Variants in LDLRAD4 observed in about 807,000 individuals in gnomAD.
The protein encoded by LDLRAD4 is low density lipoprotein receptor class A domain containing 4.
In LDLRAD4, 5 loss-of-function variants were observed where a neutral mutation model predicts 17.0. The ratio of observed to expected loss-of-function variants is 0.29; its 90% CI spans 0.15 to 0.62. The LOEUF is 0.62. Ranked by LOEUF, LDLRAD4 falls within the 20% of genes least tolerant of loss-of-function variation. The probability of loss-of-function intolerance (pLI) is 0.84; values close to 1 mark genes in which losing one functional copy is unlikely to be tolerated. For missense variants in LDLRAD4, 340 were observed against 424.7 expected, an observed-to-expected ratio of 0.80 and a Z score of 1.75; for synonymous variants, 168 against 171.8, an observed-to-expected ratio of 0.98 and a Z score of 0.17.
intron 3 of LDLRAD4, among the ~76,000 whole-genome samples, chr18:13,449,648 G>A (rs892505824): frequency 6.6e-6 from 1 of 152,234 alleles, no homozygotes; most frequent in African/African-American, 2.4e-5. Context: ...GCTCTGCCAT[G>A]GCGCTATCTC....
At chr18:13,283,278 G>T (rs1440655641) in intron 1 of LDLRAD4, among the ~76,000 whole-genome samples, 3 of 152,174 alleles carry the variant, frequency 2.0e-5, no homozygotes, top group East Asian at 3.8e-4. Flanking sequence ...CTCAGAAAAT[G>T]GGTTTTTCTT....
intron 1 of LDLRAD4, among the ~76,000 whole-genome samples, chr18:13,377,496 G>A (rs1257470473): frequency 6.6e-6 from 1 of 152,138 alleles, no homozygotes; most frequent in Non-Finnish European, 1.5e-5. Context: ...GGTGGCACGC[G>A]ATTAACTGCA....
chr18:13,611,677 G>A, intron 3 of LDLRAD4: 4 of 985,376 alleles, frequency 4.1e-6, no homozygotes, highest in South Asian at 9.4e-5. Context: ...GGAACATTGA[G>A]CATCCTGACT....
chr18:13,277,295 C>T (rs923879308), upstream of LDLRAD4, among the ~76,000 whole-genome samples: 1 of 152,180 alleles, frequency 6.6e-6, no homozygotes, highest in Non-Finnish European at 1.5e-5. Flanking sequence ...GTGTGTCCTG[C>T]ACACTGGAGG....
At chr18:13,642,128 G>C (rs190659646) in intron 4 of LDLRAD4, 2 of 985,524 alleles carry the variant, frequency 2.0e-6, no homozygotes, top group South Asian at 9.4e-5. Flanking sequence ...CTGGACCGCC[G>C]TATACGTTTG....
chr18:13,409,473 G>T (rs2088116209), intron 2 of LDLRAD4, among the ~76,000 whole-genome samples: 1 of 152,232 alleles, frequency 6.6e-6, no homozygotes, highest in Admixed American at 6.5e-5. Flanking sequence ...GACACAGGAA[G>T]ACTTTAAGCT....
At chr18:13,296,734 T>C (rs1207751535) in intron 1 of LDLRAD4, among the ~76,000 whole-genome samples, 1 of 152,146 alleles carries the variant, frequency 6.6e-6, no homozygotes, top group African/African-American at 2.4e-5. Flanking sequence ...AACAAGAAAA[T>C]TTAGCAACAA....
intron 2 of LDLRAD4, among the ~76,000 whole-genome samples, chr18:13,406,527 C>T (rs532007187): frequency 3.9e-5 from 6 of 152,098 alleles, no homozygotes; most frequent in East Asian, 1.9e-4. Context: ...TGCCGTGGTG[C>T]GCATGATTAT....
intron 1 of LDLRAD4, among the ~76,000 whole-genome samples, chr18:13,363,756 C>T (rs929581981): frequency 1.3e-5 from 2 of 152,152 alleles, no homozygotes; most frequent in Non-Finnish European, 2.9e-5. Context: ...TGGTTGTGGT[C>T]TCACAGATAG....
chr18:13,507,701 A>G (rs1334664635), intron 3 of LDLRAD4, among the ~76,000 whole-genome samples: 1 of 152,238 alleles, frequency 6.6e-6, no homozygotes, highest in Non-Finnish European at 1.5e-5. Context: ...TACCCATATA[A>G]GACAGTGAAC....
intron 2 of LDLRAD4, among the ~76,000 whole-genome samples, chr18:13,406,140 C>T (rs1351787794): frequency 6.6e-6 from 1 of 152,218 alleles, no homozygotes; most frequent in Non-Finnish European, 1.5e-5. Context: ...GACCCACGCC[C>T]ATGCTCTTGT....
chr18:13,305,095 A>G (rs760811278), intron 1 of LDLRAD4, among the ~76,000 whole-genome samples: 7 of 152,298 alleles, frequency 4.6e-5, no homozygotes, highest in Non-Finnish European at 8.8e-5. Context: ...TAGCCTAGAA[A>G]TATTGAAAAA....
chr18:13,415,176 G>C (rs2088760777), intron 2 of LDLRAD4, among the ~76,000 whole-genome samples: 1 of 152,132 alleles, frequency 6.6e-6, no homozygotes. Context: ...TACAACACAG[G>C]GCCCTGAGCC....
chr18:13,303,800 G>A (rs2046747503), intron 1 of LDLRAD4, among the ~76,000 whole-genome samples: 1 of 152,140 alleles, frequency 6.6e-6, no homozygotes, highest in Admixed American at 6.5e-5. Flanking sequence ...CATCTTTCTG[G>A]GGACCTCTTG....
At chr18:13,371,523 C>G (rs1014874445) in intron 1 of LDLRAD4, among the ~76,000 whole-genome samples, 1 of 152,184 alleles carries the variant, frequency 6.6e-6, no homozygotes, top group Non-Finnish European at 1.5e-5. Context: ...AATCCCAGCA[C>G]TTTGGGAGGC....
chr18:13,558,635 A>G (rs1447997586), intron 3 of LDLRAD4, among the ~76,000 whole-genome samples: 1 of 152,230 alleles, frequency 6.6e-6, no homozygotes, highest in East Asian at 1.9e-4. Context: ...AGCTAGCTGA[A>G]CGAGTCCCAC....
chr18:13,422,230 G>A (rs1600148040), intron 2 of LDLRAD4, among the ~76,000 whole-genome samples: 1 of 152,178 alleles, frequency 6.6e-6, no homozygotes, highest in Non-Finnish European at 1.5e-5. Flanking sequence ...CACTGTGGGA[G>A]GTCAGAGCTG....
At chr18:13,226,758 T>C (rs1567908180) in intron 1 of LDLRAD4, among the ~76,000 whole-genome samples, 1 of 151,844 alleles carries the variant, frequency 6.6e-6, no homozygotes, top group African/African-American at 2.4e-5. Flanking sequence ...TAAAATAAAA[T>C]AGAATTAAAT....
At chr18:13,457,391 G>A (rs190902990) in intron 3 of LDLRAD4, among the ~76,000 whole-genome samples, 4 of 152,292 alleles carry the variant, frequency 2.6e-5, no homozygotes, top group Admixed American at 2.0e-4. Flanking sequence ...TGCATGTTCC[G>A]CCATCCAGAA....
Sources: allele counts gnomAD v4.1 joint callset (sites outside exome capture counted in the v4.1 genomes callset), GRCh38; gene constraint gnomAD v4.1.1; transcripts MANE v1.5; gene names NCBI Gene and HGNC (gene_info 2026-07-23, HGNC 2026-07-21).